The following RASSF5 variants were observed in gnomAD, a reference collection of about 807,000 sequenced individuals.
RASSF5 encodes ras association domain-containing protein 5.
A neutral mutation model predicts 40.5 loss-of-function variants in RASSF5; 25 were observed. That is an observed-to-expected ratio of 0.62 (90% CI 0.45 to 0.86). The LOEUF is 0.86. RASSF5 is among the 40% of genes least tolerant of loss of function. The pLI, the probability that RASSF5 is intolerant of heterozygous loss-of-function variation, is 0.00. For missense variants in RASSF5, 521 were observed against 572.8 expected, an observed-to-expected ratio of 0.91 and a Z score of 0.92; for synonymous variants, 246 against 252.4, an observed-to-expected ratio of 0.97 and a Z score of 0.24.
At chr1:206,581,903 G>A (rs1487052021) in intron 2 of RASSF5, among the ~76,000 whole-genome samples, 1 of 152,044 alleles carries the variant, frequency 6.6e-6, no homozygotes, top group Non-Finnish European at 1.5e-5. Context: ...GTTGTGTTCC[G>A]CGGGGTGGTG....
rs782358358 is a variant in RASSF5, at chr1:206,584,373, GC to G, written c.691-9del. ...GGACGGCCCTGACCCCCTGTGACAT[GC>G]CCCCGCTGGCAGAGTGAAGACGGCA... On this transcript the variant is annotated splice_polypyrimidine_tract_variant and intron_variant, in intron 3 of 5. Coordinates refer to ENST00000579436, the MANE Select transcript of RASSF5 (RefSeq NM_182663.4). The surrounding 1 kb of genome is among the most constrained non-coding windows in gnomAD (Gnocchi z 4.9). The G allele has an allele frequency of 5.6e-6, 9 of 1,600,068 alleles. No homozygotes were observed. The South Asian group carries it at 1.0e-4, about 18-fold the overall frequency.
At chr1:206,562,562 C>T (rs1668173044) in intron 2 of RASSF5, among the ~76,000 whole-genome samples, 1 of 152,192 alleles carries the variant, frequency 6.6e-6, no homozygotes, top group Admixed American at 6.5e-5. Context: ...TCCTCTGGCC[C>T]TTCCCAGTAT....
chr1:206,559,702 A>G (rs1668084593), intron 2 of RASSF5, among the ~76,000 whole-genome samples: 2 of 152,330 alleles, frequency 1.3e-5, no homozygotes, highest in South Asian at 4.1e-4. Flanking sequence ...ACTGAACCCC[A>G]GAGAGGGTGA....
intron 1 of RASSF5, among the ~76,000 whole-genome samples, chr1:206,516,898 C>G (rs1225246106): frequency 6.6e-6 from 1 of 152,160 alleles, no homozygotes; most frequent in Admixed American, 6.6e-5. Context: ...ACCAGCAGGG[C>G]AAGGAACTTG....
At chr1:206,566,235 A>G (rs147345348) in intron 2 of RASSF5, among the ~76,000 whole-genome samples, 411 of 152,294 alleles carry the variant, frequency 2.7e-3, no homozygotes, top group African/African-American at 9.3e-3. Context: ...CCACACACAC[A>G]GCTGAGGGAA....
At position 206,584,442 on chromosome 1, in the gene RASSF5, C is replaced by T; in HGVS notation, c.746C>T (p.Pro249Leu). ...FIKVHLKLRRPVTVPAGIRPQ... is the reference protein window; with the variant it reads ...FIKVHLKLRRLVTVPAGIRPQ... ...AAAGTGCATCTGAAACTCCGGCGGCCTGTGACGGTGCCTGCTGGGATCCGG... is the reference window on the plus strand; with the variant it reads ...AAAGTGCATCTGAAACTCCGGCGGCTTGTGACGGTGCCTGCTGGGATCCGG... The change falls in exon 4 of 6, where the codon CCT (proline) becomes CTT (leucine). Residue 249 changes from proline (P) to leucine (L), a missense_variant. By Grantham distance (98) the Pro-to-Leu change is moderately conservative. Transcript: ENST00000579436. This position sits in a 1 kb window ranked among gnomAD's most constrained non-coding sequence, Gnocchi z 4.9. The T allele has an allele frequency of 7.4e-6, 12 of 1,614,164 alleles. No homozygotes were observed. The highest frequency in any genetic ancestry group is 1.0e-5 in the Non-Finnish European group (12 of 1,180,018).
intron 2 of RASSF5, among the ~76,000 whole-genome samples, chr1:206,539,603 T>A (rs1264448446): frequency 1.3e-5 from 2 of 152,242 alleles, no homozygotes; most frequent in African/African-American, 4.8e-5. Context: ...ATTTTAAAAC[T>A]CTGCACATCG....
chr1:206,553,850 G>A (rs936958093), intron 2 of RASSF5, among the ~76,000 whole-genome samples: 12 of 152,182 alleles, frequency 7.9e-5, no homozygotes, highest in Admixed American at 7.9e-4. Context: ...GGTAAACCAT[G>A]AGGCCGCAGA....
chr1:206,586,777 C>A, intron 5 of RASSF5, 49 bp from the exon 6 acceptor site: 1 of 1,484,152 alleles, frequency 6.7e-7, no homozygotes, highest in Non-Finnish European at 9.3e-7. Flanking sequence ...CAACTTCTAA[C>A]CTGTCTCCTA....
intron 2 of RASSF5, among the ~76,000 whole-genome samples, chr1:206,550,470 T>G (rs1667808338): frequency 6.6e-6 from 1 of 152,234 alleles, no homozygotes; most frequent in Non-Finnish European, 1.5e-5. Flanking sequence ...TCCTTCATTT[T>G]ATTCGATTTT....
intron 2 of RASSF5, among the ~76,000 whole-genome samples, chr1:206,540,555 G>T (rs1667519311): frequency 6.6e-6 from 1 of 152,250 alleles, no homozygotes; most frequent in African/African-American, 2.4e-5. Flanking sequence ...AGATCAGGCT[G>T]CTGCTGTATT....
intron 1 of RASSF5, among the ~76,000 whole-genome samples, chr1:206,517,366 A>G (rs1553395567): frequency 6.6e-6 from 1 of 152,026 alleles, no homozygotes; most frequent in African/African-American, 2.4e-5. Flanking sequence ...TCCCAGCTAC[A>G]TGCTGGGGGG....
At position 206,587,023 on chromosome 1, in the gene RASSF5, A is replaced by G. The variant is rs370392114; in HGVS notation, c.*45A>G. ...TCCTGGTGCATTCAGATTTATTTGTATTATTAATTATTATTTTGCAACAGA... is the reference window on the plus strand; with the variant it reads ...TCCTGGTGCATTCAGATTTATTTGTGTTATTAATTATTATTTTGCAACAGA... On this transcript the variant is annotated 3_prime_UTR_variant, in exon 6 of 6. Transcript: ENST00000579436. 101 of 1,602,564 alleles carry G rather than the reference A, an allele frequency of 6.3e-5. No individual in the cohort carries two copies. Among genetic ancestry groups the G allele is most frequent in the Non-Finnish European group, 8.2e-5 (96 of 1,173,882 alleles).
In RASSF5 at chr1:206,531,535, G is replaced by C. The variant is rs1667237093; in HGVS notation, c.458-6637G>C. Among the ~76,000 whole-genome samples, 1 of 152,184 alleles carries C rather than the reference G, an allele frequency of 6.6e-6. No homozygotes were observed. Among genetic ancestry groups the C allele is most frequent in the Admixed American group, 6.5e-5 (1 of 15,284 alleles). ...TGGTGGAGCTGCCCTGGGATGGTCT[G>C]TGCGCAGAGGGCGCTGGAGACCCTC... On this transcript the variant is annotated intron_variant, in intron 1 of 5. Transcript: ENST00000579436. The surrounding 1 kb of genome is among the most constrained non-coding windows in gnomAD (Gnocchi z 4.7).
intron 1 of RASSF5, among the ~76,000 whole-genome samples, chr1:206,515,998 C>A (rs1406624038): frequency 6.6e-6 from 1 of 152,194 alleles, no homozygotes; most frequent in African/African-American, 2.4e-5. Context: ...CCATGAATGT[C>A]TACCCTAGTG....
Position 206,538,199 on chromosome 1 carries a change from G to A in RASSF5, c.485G>A (p.Cys162Tyr). 1.2e-6 allele frequency: 2 copies of A among 1,614,198 alleles called. No homozygotes were observed. Among genetic ancestry groups the A allele is most frequent in the Non-Finnish European group, 1.7e-6 (2 of 1,180,036 alleles). ...TGTAAATTCACCTGTCACCCAGAATGCCGCAGCCTGATCCAGTTGGACTGC... is the reference window on the plus strand; with the variant it reads ...TGTAAATTCACCTGTCACCCAGAATACCGCAGCCTGATCCAGTTGGACTGC... ...TNCKFTCHPE[C>Y]RSLIQLDCSQ... is the part of the protein sequence containing the mutation. Residue 162 changes from cysteine to tyrosine, a missense_variant, in exon 2 of 6, where the codon TGC (cysteine) becomes TAC (tyrosine). Coordinates refer to ENST00000579436, the MANE Select transcript of RASSF5 (RefSeq NM_182663.4).
At chr1:206,528,740 T>TA (rs764226174) in intron 1 of RASSF5, among the ~76,000 whole-genome samples, 15 of 152,006 alleles carry the variant, frequency 9.9e-5, no homozygotes, top group Non-Finnish European at 1.3e-4. Context: ...AAGTCTATTT[T>TA]AAAAAAATTA....
Position 206,584,259 on chromosome 1 carries a change from C to A in RASSF5, c.691-128C>A. 1.1e-6 allele frequency: 1 copy of A among 875,302 alleles called. No individual in the cohort carries two copies. Among genetic ancestry groups the A allele is most frequent in the Non-Finnish European group, 1.7e-6 (1 of 576,808 alleles). The allele number at this position is 875,302 out of a possible 1,614,324, so 54.2% of individuals were successfully genotyped here. On this transcript the variant is annotated intron_variant, in intron 3 of 5. Transcript: ENST00000579436. The surrounding 1 kb of genome is among the most constrained non-coding windows in gnomAD (Gnocchi z 4.9). ...TCTCTGCTCCTTCCTCCAGCTCTCC[C>A]ACGTCAGCAGAGGCAGGAAAGAACT...
intron 1 of RASSF5, among the ~76,000 whole-genome samples, chr1:206,517,373 G>A (rs1425759799): frequency 6.6e-6 from 1 of 152,188 alleles, no homozygotes; most frequent in Non-Finnish European, 1.5e-5. Flanking sequence ...TACATGCTGG[G>A]GGGTGGGAGA....
Sources: gnomAD v4.1 joint callset for allele counts (sites outside exome capture counted in the v4.1 genomes callset) on GRCh38, gnomAD v4.1.1 for gene constraint, Gnocchi (gnomAD v3.1) non-coding constraint, MANE v1.5 for transcripts, NCBI Gene and HGNC (gene_info 2026-07-23, HGNC 2026-07-21) for gene names.